CCNH: variants seen among roughly 807,000 people sequenced by gnomAD.
CCNH encodes cyclin H.
Under a neutral mutation model 41.9 loss-of-function variants are expected in CCNH, and 31 were observed. That is an observed-to-expected ratio of 0.74 (90% CI 0.56 to 1.00). The LOEUF is 1.00. Among genes scored for constraint, CCNH ranks in the 50% least tolerant of loss-of-function variants. The probability of loss-of-function intolerance (pLI) is 0.00; values close to 1 mark genes in which losing one functional copy is unlikely to be tolerated. For synonymous variants in CCNH, 138 were observed against 136.1 expected (o/e 1.01, Z -0.10); for missense variants, 362 against 388.4 (o/e 0.93, Z 0.57).
upstream of CCNH, among the ~76,000 whole-genome samples, chr5:87,379,033 C>A (rs1448531467): frequency 6.6e-6 from 1 of 152,134 alleles, no homozygotes; most frequent in East Asian, 1.9e-4. Flanking sequence ...TGGAATCTCA[C>A]ACACATATTC....
At chr5:87,345,110 A>G (rs1327667089) in intron 9 of CCNH, among the ~76,000 whole-genome samples, 1 of 152,000 alleles carries the variant, frequency 6.6e-6, no homozygotes, top group East Asian at 1.9e-4. Flanking sequence ...AAGTACTGGG[A>G]TTACAGGTGT....
intron 3 of CCNH, 34 bp from the exon 4 acceptor site, chr5:87,408,220 G>T: frequency 9.7e-7 from 1 of 1,031,220 alleles, no homozygotes; most frequent in South Asian, 1.5e-5. Flanking sequence ...GGAGGCAGGG[G>T]GTGGGTGGGG....
intron 2 of CCNH, among the ~76,000 whole-genome samples, chr5:87,409,715 A>G (rs1303808250): frequency 1.3e-5 from 2 of 151,976 alleles, no homozygotes; most frequent in Non-Finnish European, 2.9e-5. Context: ...TTCAGGAAGA[A>G]AAATACAAAC....
At chr5:87,385,302 T>C (rs770210520) in intron 9 of CCNH, 1 of 1,600,948 alleles carries the variant, frequency 6.2e-7, no homozygotes, top group South Asian at 1.1e-5. Context: ...CTGTTACAGA[T>C]TCTCCATCTC....
downstream of CCNH, among the ~76,000 whole-genome samples, chr5:87,388,981 A>G (rs997150971): frequency 6.6e-6 from 1 of 152,130 alleles, no homozygotes; most frequent in Admixed American, 6.5e-5. Context: ...CATGCTACGG[A>G]AAAAAATGGA....
chr5:87,319,778 G>C (rs1452982176), intron 9 of CCNH, among the ~76,000 whole-genome samples: 1 of 152,102 alleles, frequency 6.6e-6, no homozygotes, highest in East Asian at 1.9e-4. Context: ...TTGGCTTCTT[G>C]TTATTTATGT....
chr5:87,323,538 A>G (rs1756985198), intron 9 of CCNH, among the ~76,000 whole-genome samples: 2 of 152,176 alleles, frequency 1.3e-5, no homozygotes, highest in African/African-American at 4.8e-5. Flanking sequence ...TTTCAGTTTG[A>G]GGAACTGAAA....
chr5:87,332,490 T>G (rs1757675654), intron 9 of CCNH: 1 of 1,599,722 alleles, frequency 6.3e-7, no homozygotes, highest in African/African-American at 1.3e-5. Flanking sequence ...ATACTGTATT[T>G]TTTCCTGTTC....
At chr5:87,398,650 T>C (rs150484547) in intron 7 of CCNH, among the ~76,000 whole-genome samples, 1 of 152,292 alleles carries the variant, frequency 6.6e-6, no homozygotes, top group African/African-American at 2.4e-5. Flanking sequence ...TTCTTATGGC[T>C]AGCCACAAGA....
At chr5:87,321,778 G>GT (rs1168192405) in intron 9 of CCNH, among the ~76,000 whole-genome samples, 1 of 152,130 alleles carries the variant, frequency 6.6e-6, no homozygotes, top group Non-Finnish European at 1.5e-5. Context: ...AGTCCTTTTG[G>GT]TTTTTTATGG....
At chr5:87,398,769 T>C (rs3093833) in intron 7 of CCNH, among the ~76,000 whole-genome samples, 120 of 151,984 alleles carry the variant, frequency 7.9e-4, no homozygotes, top group East Asian at 3.7e-3. Context: ...GTCAGGAGAT[T>C]GAGACCATCC....
intron 9 of CCNH, among the ~76,000 whole-genome samples, chr5:87,323,313 G>T (rs1381692361): frequency 6.6e-6 from 1 of 152,082 alleles, no homozygotes; most frequent in Non-Finnish European, 1.5e-5. Context: ...CGCATAATAG[G>T]AGCTTAAAAA....
intron 9 of CCNH, among the ~76,000 whole-genome samples, chr5:87,357,449 A>G (rs1002847933): frequency 1.3e-5 from 2 of 152,180 alleles, no homozygotes; most frequent in Non-Finnish European, 2.9e-5. Context: ...ATTAAATCAT[A>G]CATTTCCCCA....
downstream of CCNH, chr5:87,390,848 C>A (rs773083422): frequency 6.2e-7 from 1 of 1,613,642 alleles, no homozygotes; most frequent in South Asian, 1.1e-5. Flanking sequence ...TCAACAAAAA[C>A]AAAACCAGTA....
intron 9 of CCNH, among the ~76,000 whole-genome samples, chr5:87,365,599 T>C (rs1385539345): frequency 6.6e-6 from 1 of 152,140 alleles, no homozygotes; most frequent in Non-Finnish European, 1.5e-5. Flanking sequence ...ATTTTTCATT[T>C]TTACTACTTT....
downstream of CCNH, chr5:87,372,242 A>C (rs754257803): frequency 1.0e-5 from 16 of 1,530,212 alleles, no homozygotes; most frequent in South Asian, 1.0e-4. Flanking sequence ...TTTTGCTCTA[A>C]CACTTTGCTC....
chr5:87,391,008 C>T, downstream of CCNH: 1 of 959,908 alleles, frequency 1.0e-6, no homozygotes, highest in East Asian at 2.6e-5. Flanking sequence ...GATGTGTGAG[C>T]TATGCAAACA....
At chr5:87,400,167 C>A (rs920358274) in intron 6 of CCNH, among the ~76,000 whole-genome samples, 1 of 152,118 alleles carries the variant, frequency 6.6e-6, no homozygotes, top group African/African-American at 2.4e-5. Context: ...ATCCAATGGG[C>A]TTATTATTAC....
At chr5:87,318,118 G>A (rs1051602125), downstream of CCNH, among the ~76,000 whole-genome samples, 2 of 152,140 alleles carry the variant, frequency 1.3e-5, no homozygotes, top group South Asian at 2.1e-4. Flanking sequence ...ATTTTGAAGC[G>A]TGCTTTCATA....
Sources: gnomAD v4.1 joint callset for allele counts (sites outside exome capture counted in the v4.1 genomes callset) on GRCh38, gnomAD v4.1.1 for gene constraint, MANE v1.5 for transcripts, NCBI Gene and HGNC (gene_info 2026-07-23, HGNC 2026-07-21) for gene names.